The following MTUS2 variants were observed in gnomAD, a reference collection of about 807,000 sequenced individuals.
MTUS2 encodes the protein microtubule associated scaffold protein 2, also known as microtubule-associated tumor suppressor candidate 2.
In MTUS2, 40 loss-of-function variants were observed where a neutral mutation model predicts 114.1. That is an observed-to-expected ratio of 0.35 (90% CI 0.27 to 0.46). The LOEUF (loss-of-function observed/expected upper bound fraction) is 0.46. MTUS2 is among the 20% of genes least tolerant of loss of function. The pLI is 1.00. For missense variants in MTUS2, 1,679 were observed against 1,705.4 expected (o/e 0.98, Z 0.27); for synonymous variants, 688 against 672.0 (o/e 1.02, Z -0.37).
chr13:29,040,753 A>G lies in MTUS2; in HGVS notation c.2446+6628A>G, dbSNP rs143668324. Among the ~76,000 whole-genome samples the G allele has an allele frequency of 1.8e-3, 272 of 152,020 alleles. 1 individual carries two copies. Among genetic ancestry groups the G allele is most frequent in the African/African-American group, 6.2e-3 (257 of 41,508 alleles). ...TTTCATATGTTTGTTGGCTATTTGT[A>G]TATTTGAGAATTGTCTATTCATTTC... On this transcript the variant is annotated intron_variant, in intron 4 of 15. Coordinates refer to ENST00000612955, the MANE Select transcript of MTUS2 (RefSeq NM_001033602.4).
intron 6 of MTUS2, among the ~76,000 whole-genome samples, chr13:29,324,172 G>A (rs1184648812): frequency 1.3e-5 from 2 of 152,196 alleles, no homozygotes; most frequent in African/African-American, 2.4e-5. Flanking sequence ...GTCCCCCGTG[G>A]CTTGGCTCCG....
chr13:29,467,717 A>G (rs1283629373), intron 9 of MTUS2, among the ~76,000 whole-genome samples: 1 of 151,926 alleles, frequency 6.6e-6, no homozygotes, highest in Non-Finnish European at 1.5e-5. Context: ...TCATTCTTGT[A>G]TTTTTCTCCT....
rs1365564929 is a variant in MTUS2 at position 29,152,056 on chromosome 13, G to A, written c.2644+51086G>A. 2.6e-5 allele frequency among the ~76,000 whole-genome samples: 4 copies of A among 152,202 alleles called. No individual in the cohort carries two copies. The East Asian group carries it at 7.7e-4, about 29-fold the overall frequency. On this transcript the variant is annotated intron_variant, in intron 5 of 15. Transcript: ENST00000612955. ...GATGCCGGCTTCATAGAATGAGTTAGGGAGGAGTCCTTCCTCCTTGATTTT... is the reference window on the plus strand; with the variant it reads ...GATGCCGGCTTCATAGAATGAGTTAAGGAGGAGTCCTTCCTCCTTGATTTT...
intron 4 of MTUS2, among the ~76,000 whole-genome samples, chr13:29,067,154 A>G (rs917035350): frequency 1.3e-5 from 2 of 152,176 alleles, no homozygotes; most frequent in African/African-American, 4.8e-5. Context: ...AATTGGAGCT[A>G]AGGAGAAGTC....
chr13:29,424,364 CAAAGA>C (rs145372779), intron 8 of MTUS2, among the ~76,000 whole-genome samples: 1 of 151,850 alleles, frequency 6.6e-6, no homozygotes, highest in Non-Finnish European at 1.5e-5. Flanking sequence ...AAATGTATAT[CAAAGA>C]AGTCACCCCA....
At chr13:29,052,964 C>T (rs1887971980) in intron 4 of MTUS2, among the ~76,000 whole-genome samples, 1 of 152,180 alleles carries the variant, frequency 6.6e-6, no homozygotes, top group South Asian at 2.1e-4. Context: ...ACTGGGCACT[C>T]ATTCTCTCTC....
rs370099238 is a variant in MTUS2, at chr13:29,025,598, A to G, written c.900A>G (p.Gln300=). 65 of 1,613,922 alleles carry G rather than the reference A, an allele frequency of 4.0e-5. No homozygotes were observed. In the African/African-American group the frequency reaches 5.1e-4, roughly 13 times the overall value. ...AAATCCCAAGTAAACTGGAAGCACA[A>G]TTAGGTCAGGGAAAGGGAGAGGCCA... The part of the protein sequence containing the change: ...SKEIPSKLEA[Q]LGQGKGEAKL... Residue 300 remains glutamine (Q), a synonymous_variant, in exon 3 of 16, where the codon CAA becomes CAG. Transcript: ENST00000612955.
intron 2 of MTUS2, among the ~76,000 whole-genome samples, chr13:28,998,057 C>T (rs560934900): frequency 6.6e-6 from 1 of 152,240 alleles, no homozygotes; most frequent in South Asian, 2.1e-4. Flanking sequence ...TTTATTGCTT[C>T]CTTCAGGAGC....
rs1185622617 is a variant in MTUS2, at chr13:29,389,241, G to GTA, written c.3117+29776_3117+29777dup. The stretch of plus-strand genomic sequence containing the variant: ...TATATGTATGTATATATGTATGTGT[G>GTA]TATATATATGTATACACATGTGTGT... On this transcript the variant is annotated intron_variant, in intron 8 of 15. Transcript: ENST00000612955. Among the ~76,000 whole-genome samples the GTA allele has an allele frequency of 5.2e-5, 5 of 96,124 alleles. 1 individual carries two copies. The highest frequency in any genetic ancestry group is 1.1e-4 in the African/African-American group (3 of 28,306). The allele number at this position is 96,124 out of a possible 152,430, so 63.1% of individuals were successfully genotyped here. A position where few individuals can be genotyped will look rare whatever the true frequency, so the allele number is the denominator to read the frequency against.
At chr13:29,209,308 T>G (rs932857206) in intron 5 of MTUS2, among the ~76,000 whole-genome samples, 1 of 152,170 alleles carries the variant, frequency 6.6e-6, no homozygotes, top group African/African-American at 2.4e-5. Context: ...TAAGTTGATT[T>G]GAGTTCTTAT....
chr13:29,011,463 A>C (rs920572013), intron 2 of MTUS2, among the ~76,000 whole-genome samples: 1 of 152,096 alleles, frequency 6.6e-6, no homozygotes, highest in Non-Finnish European at 1.5e-5. Context: ...ATCTTTTACT[A>C]TTTTTCTTCA....
At chr13:29,108,174 C>G (rs764452324) in intron 5 of MTUS2, among the ~76,000 whole-genome samples, 1 of 152,206 alleles carries the variant, frequency 6.6e-6, no homozygotes, top group Non-Finnish European at 1.5e-5. Flanking sequence ...TAACCCATCT[C>G]ATGTTCATCG....
At chr13:29,414,527 T>C (rs1875522353) in intron 8 of MTUS2, among the ~76,000 whole-genome samples, 1 of 151,522 alleles carries the variant, frequency 6.6e-6, no homozygotes, top group South Asian at 2.1e-4. Context: ...ATGTTTTTTG[T>C]ATGCAATAGT....
intron 9 of MTUS2, among the ~76,000 whole-genome samples, chr13:29,461,302 A>T (rs1035337747): frequency 6.6e-6 from 1 of 152,224 alleles, no homozygotes; most frequent in African/African-American, 2.4e-5. Flanking sequence ...CAGAGCCCTC[A>T]TGAGTCAATA....
chr13:28,919,504 A>AT (rs1372526354), intron 2 of MTUS2, among the ~76,000 whole-genome samples: 8 of 150,106 alleles, frequency 5.3e-5, no homozygotes, highest in Admixed American at 4.6e-4. Flanking sequence ...TTTTTTCTTT[A>AT]TTTTTTACCT....
At position 28,906,457 on chromosome 13, in the gene MTUS2, T is replaced by G. The variant is rs199529619; in HGVS notation, c.-243+66607T>G. On this transcript the variant is annotated intron_variant, in intron 2 of 15. Transcript: ENST00000612955. ...CCCAGAGATTCTGGTATGTTGTGTCTTTGTTCTCGTTAGTTTCAAAGAACA... is the reference window on the plus strand; with the variant it reads ...CCCAGAGATTCTGGTATGTTGTGTCGTTGTTCTCGTTAGTTTCAAAGAACA... Among the ~76,000 whole-genome samples, 29 of 151,454 alleles carry G rather than the reference T, an allele frequency of 1.9e-4. No individual in the cohort carries two copies. In the East Asian group the frequency reaches 5.2e-3, roughly 27 times the overall value.
intron 6 of MTUS2, among the ~76,000 whole-genome samples, chr13:29,287,653 C>A (rs1462776117): frequency 6.6e-6 from 1 of 152,218 alleles, no homozygotes; most frequent in Non-Finnish European, 1.5e-5. Flanking sequence ...CTCAAACATT[C>A]TTTCAAGCTG....
chr13:28,904,453 G>A (rs1879853821), intron 2 of MTUS2, among the ~76,000 whole-genome samples: 2 of 152,302 alleles, frequency 1.3e-5, no homozygotes, highest in Admixed American at 1.3e-4. Context: ...AAGGGATCCA[G>A]TTTCAGCTTT....
chr13:29,205,481 G>A (rs1269245529), intron 5 of MTUS2, among the ~76,000 whole-genome samples: 1 of 151,992 alleles, frequency 6.6e-6, no homozygotes, highest in Non-Finnish European at 1.5e-5. Context: ...CTTTCGTTGT[G>A]ATTTCTGAGG....
Sources: gnomAD v4.1 joint callset for allele counts (sites outside exome capture counted in the v4.1 genomes callset) on GRCh38, gnomAD v4.1.1 for gene constraint, MANE v1.5 for transcripts, NCBI Gene and HGNC (gene_info 2026-07-23, HGNC 2026-07-21) for gene names.